Variants in CCNY observed in about 807,000 individuals in gnomAD.
CCNY encodes the protein cyclin-Y.
A neutral mutation model predicts 42.8 loss-of-function variants in CCNY; 19 were observed. The ratio of observed to expected loss-of-function variants is 0.44; its 90% CI spans 0.31 to 0.65. The LOEUF is 0.65. Among genes scored for constraint, CCNY ranks in the 30% least tolerant of loss-of-function variants. CCNY has a pLI of 0.07. For missense variants in CCNY, 370 were observed against 437.3 expected, an observed-to-expected ratio of 0.85 and a Z score of 1.37; for synonymous variants, 165 against 162.7, an observed-to-expected ratio of 1.01 and a Z score of -0.11.
intron 2 of CCNY, among the ~76,000 whole-genome samples, chr10:35,485,738 A>C (rs1057291927): frequency 4.1e-5 from 6 of 145,992 alleles, no homozygotes; most frequent in Non-Finnish European, 6.0e-5. Flanking sequence ...AAAAAAAAAA[A>C]ACAAAAAAAA....
chr10:35,526,066 A>G, intron 5 of CCNY, 67 bp downstream of exon 5: 1 of 1,355,436 alleles, frequency 7.4e-7, no homozygotes, highest in South Asian at 1.2e-5. Context: ...CTATTTTTTC[A>G]TATTCTAGTT....
chr10:35,411,829 T>G (rs530674449), intron 1 of CCNY, among the ~76,000 whole-genome samples: 1 of 152,342 alleles, frequency 6.6e-6, no homozygotes, highest in Non-Finnish European at 1.5e-5. Context: ...TTGGCAAAAT[T>G]TGATAGCATC....
chr10:35,261,759 G>A (rs1383652738), intron 3 of CCNY, among the ~76,000 whole-genome samples: 1 of 152,028 alleles, frequency 6.6e-6, no homozygotes, highest in Admixed American at 6.6e-5. Context: ...AGTGGCTCAT[G>A]CCTGTAATCC....
At chr10:35,328,849 C>G (rs902683183) in intron 3 of CCNY, among the ~76,000 whole-genome samples, 2 of 152,188 alleles carry the variant, frequency 1.3e-5, no homozygotes, top group African/African-American at 4.8e-5. Context: ...GCAGATTTAC[C>G]TAGAAAGGGC....
chr10:35,449,373 G>A (rs1313560279), intron 1 of CCNY, among the ~76,000 whole-genome samples: 1 of 152,038 alleles, frequency 6.6e-6, no homozygotes, highest in Non-Finnish European at 1.5e-5. Context: ...GTAAGATAAG[G>A]ACTGAGATGT....
In CCNY at chr10:35,464,902, A is replaced by C. The variant is rs763321118; in HGVS notation, c.155-18502A>C. On this transcript the variant is annotated intron_variant, in intron 1 of 9. Transcript: ENST00000374704. ...TTCATATGCTTTTCAGCTGTCTGCA[A>C]CAGCAGATTTCATAAATATTGCCCC... Among the ~76,000 whole-genome samples, 3 of 152,230 alleles carry C rather than the reference A, an allele frequency of 2.0e-5. No homozygotes were observed. The South Asian group carries it at 6.2e-4, about 32-fold the overall frequency.
chr10:35,314,241 A>G (rs980597627), intron 3 of CCNY, among the ~76,000 whole-genome samples: 3 of 152,120 alleles, frequency 2.0e-5, no homozygotes, highest in Admixed American at 6.6e-5. Context: ...GGTAATTTGT[A>G]AAGAAAAAGG....
chr10:35,550,513 G>T (rs1023421258), intron 7 of CCNY, among the ~76,000 whole-genome samples: 2 of 151,662 alleles, frequency 1.3e-5, no homozygotes, highest in Admixed American at 6.6e-5. Context: ...TTACTCCCTT[G>T]CCCTTCTCTC....
chr10:35,563,270 C>G (rs1841501194), intron 8 of CCNY, among the ~76,000 whole-genome samples: 1 of 152,134 alleles, frequency 6.6e-6, no homozygotes, highest in Non-Finnish European at 1.5e-5. Context: ...ACCAGAAACT[C>G]AAGCTTGGAG....
At chr10:35,255,489 G>A (rs1279367659) in intron 3 of CCNY, among the ~76,000 whole-genome samples, 1 of 149,842 alleles carries the variant, frequency 6.7e-6, no homozygotes, top group Non-Finnish European at 1.5e-5. Flanking sequence ...AGTGAGATGG[G>A]GTTTTATCAT....
intron 5 of CCNY, 124 bp from the exon 6 acceptor site, chr10:35,529,849 A>G (rs936855398): frequency 3.1e-4 from 266 of 863,316 alleles, no homozygotes; most frequent in Admixed American, 5.5e-4. Context: ...CAGCCTGGGC[A>G]ACAGAGTGAG....
chr10:35,255,791 C>T (rs920621421), intron 3 of CCNY, among the ~76,000 whole-genome samples: 11 of 151,904 alleles, frequency 7.2e-5, no homozygotes, highest in African/African-American at 2.7e-4. Flanking sequence ...GATGGGATTT[C>T]ACCATGTTGC....
intron 3 of CCNY, among the ~76,000 whole-genome samples, chr10:35,515,172 A>G (rs927850789): frequency 6.6e-6 from 1 of 152,186 alleles, no homozygotes; most frequent in East Asian, 1.9e-4. Context: ...TGTAAGCCTA[A>G]GGAAAGAACC....
At chr10:35,360,150 T>C (rs1836650207) in intron 1 of CCNY, among the ~76,000 whole-genome samples, 1 of 152,232 alleles carries the variant, frequency 6.6e-6, no homozygotes, top group Admixed American at 6.5e-5. Flanking sequence ...CTGGAAGGAC[T>C]GAAATCTTAG....
chr10:35,507,464 G>A (rs1320665938), intron 3 of CCNY, among the ~76,000 whole-genome samples: 2 of 152,092 alleles, frequency 1.3e-5, no homozygotes, highest in Non-Finnish European at 2.9e-5. Context: ...TGAATTGTTT[G>A]GAAGTAGGTT....
intron 1 of CCNY, among the ~76,000 whole-genome samples, chr10:35,381,771 A>G (rs1363734657): frequency 6.6e-6 from 1 of 152,154 alleles, no homozygotes; most frequent in Non-Finnish European, 1.5e-5. Context: ...TCTGTTTTTA[A>G]ACAGTAGATT....
At chr10:35,414,012 T>C (rs1203347211) in intron 1 of CCNY, among the ~76,000 whole-genome samples, 1 of 152,186 alleles carries the variant, frequency 6.6e-6, no homozygotes, top group Non-Finnish European at 1.5e-5. Flanking sequence ...AAATGTAGAT[T>C]TGCAAATAAA....
chr10:35,429,759 A>G (rs1416406351), intron 1 of CCNY, among the ~76,000 whole-genome samples: 1 of 152,142 alleles, frequency 6.6e-6, no homozygotes, highest in Non-Finnish European at 1.5e-5. Flanking sequence ...GTATGTGGCC[A>G]TGTATTATAA....
rs1441488787 is a variant in CCNY at position 35,525,924 on chromosome 10, ATGC to A, written c.366-38_366-36del. 2.5e-6 allele frequency: 4 copies of A among 1,588,932 alleles called. No individual in the cohort carries two copies. In the Admixed American group the frequency reaches 7.1e-5, roughly 28 times the overall value. On this transcript the variant is annotated intron_variant, in intron 4 of 9. Transcript: ENST00000374704. ...CCAGGTAATGTGTAAGGTCTTGAAT[ATGC>A]TCATGGACACTGAACCTCTGCATTC...
Sources: gnomAD v4.1 joint callset for allele counts (sites outside exome capture counted in the v4.1 genomes callset) on GRCh38, gnomAD v4.1.1 for gene constraint, MANE v1.5 for transcripts, NCBI Gene and HGNC (gene_info 2026-07-23, HGNC 2026-07-21) for gene names.